The following CTIF variants were observed in gnomAD, a reference collection of about 807,000 sequenced individuals.
The protein encoded by CTIF is CBP80/20-dependent translation initiation factor.
A neutral mutation model predicts 66.0 loss-of-function variants in CTIF; 21 were observed. That is an observed-to-expected ratio of 0.32 (90% CI 0.23 to 0.46). The LOEUF (loss-of-function observed/expected upper bound fraction) is 0.46, where lower values mean the gene tolerates loss of function less well. Among genes scored for constraint, CTIF ranks in the 20% least tolerant of loss-of-function variants. The pLI is 1.00. For synonymous variants in CTIF, 345 were observed against 326.4 expected (o/e 1.06, Z -0.62); for missense variants, 739 against 812.7 (o/e 0.91, Z 1.10).
rs561407815 is a variant in CTIF, at chr18:48,600,316, C to T, written c.-28-19222C>T. 1.1e-4 allele frequency among the ~76,000 whole-genome samples: 16 copies of T among 152,168 alleles called. No individual in the cohort carries two copies. The South Asian group carries it at 1.2e-3, about 12-fold the overall frequency. The stretch of plus-strand genomic sequence containing the variant: ...CTTCCTGAAGGTCATGTGGCGGTGG[C>T]GATGAGCTCCGAAGCCTGTGTCTGT... On this transcript the variant is annotated intron_variant, in intron 1 of 11. Coordinates refer to ENST00000256413, the MANE Select transcript of CTIF (RefSeq NM_014772.3).
At chr18:48,738,812 G>T (rs1345879165) in intron 7 of CTIF, among the ~76,000 whole-genome samples, 1 of 152,212 alleles carries the variant, frequency 6.6e-6, no homozygotes, top group African/African-American at 2.4e-5. Flanking sequence ...GCTGAGCCTG[G>T]CATGAGTAAA....
intron 5 of CTIF, among the ~76,000 whole-genome samples, chr18:48,668,355 G>A (rs2091469270): frequency 6.6e-6 from 1 of 152,176 alleles, no homozygotes; most frequent in African/African-American, 2.4e-5. Flanking sequence ...CCTCCCCTAT[G>A]GCCCAGGCGG....
intron 3 of CTIF, among the ~76,000 whole-genome samples, chr18:48,645,234 C>A (rs976009100): frequency 1.6e-5 from 2 of 122,204 alleles, no homozygotes; most frequent in South Asian, 5.4e-4. Context: ...CTTTTTGCCT[C>A]ATGTGTCCCA....
chr18:48,858,362 C>T (rs1481318445), intron 11 of CTIF, among the ~76,000 whole-genome samples: 1 of 152,248 alleles, frequency 6.6e-6, no homozygotes, highest in African/African-American at 2.4e-5. Flanking sequence ...GTTTGTTGGC[C>T]TCCAGCTGGG....
At chr18:48,540,130 G>A (rs2088571130) in intron 1 of CTIF, 1 of 152,164 alleles carries the variant, frequency 6.6e-6, no homozygotes, top group African/African-American at 2.4e-5. Context: ...GACCCGTTGC[G>A]GTCTCCCCTT....
chr18:48,701,891 C>T (rs576541135), intron 6 of CTIF, among the ~76,000 whole-genome samples: 3 of 152,280 alleles, frequency 2.0e-5, no homozygotes, highest in Admixed American at 6.5e-5. Flanking sequence ...CCCACTGACT[C>T]CTAAAGTTGT....
At chr18:48,687,494 G>A (rs770266594) in intron 6 of CTIF, among the ~76,000 whole-genome samples, 3 of 151,962 alleles carry the variant, frequency 2.0e-5, no homozygotes, top group Non-Finnish European at 4.4e-5. Context: ...AAGTGCTCTG[G>A]GACTCAAGGA....
chr18:48,628,746 A>G (rs1231460213), intron 2 of CTIF, among the ~76,000 whole-genome samples: 1 of 152,200 alleles, frequency 6.6e-6, no homozygotes, highest in Non-Finnish European at 1.5e-5. Context: ...GCTCCTAATC[A>G]CGCAAGCATT....
intron 1 of CTIF, among the ~76,000 whole-genome samples, chr18:48,570,908 G>C (rs1287469811): frequency 6.6e-6 from 1 of 152,112 alleles, no homozygotes; most frequent in African/African-American, 2.4e-5. Context: ...CTTGTCCCAG[G>C]ATTTTCTTTT....
chr18:48,592,257 A>G (rs1212089630), intron 1 of CTIF, among the ~76,000 whole-genome samples: 5 of 152,060 alleles, frequency 3.3e-5, no homozygotes, highest in African/African-American at 1.2e-4. Flanking sequence ...TAATCCCAGC[A>G]CTTTGGGAGA....
chr18:48,732,951 CA>C (rs769785899), intron 7 of CTIF, among the ~76,000 whole-genome samples: 48 of 152,318 alleles, frequency 3.2e-4, no homozygotes, highest in Middle Eastern at 3.4e-3. Context: ...TCACCATAAT[CA>C]GACAAGATTG....
At chr18:48,638,975 CGG>C (rs761664693) in intron 3 of CTIF, among the ~76,000 whole-genome samples, 38 of 152,308 alleles carry the variant, frequency 2.5e-4, no homozygotes, top group Non-Finnish European at 4.9e-4. Flanking sequence ...CCCTGACCTG[CGG>C]TGGCCGACTG....
At chr18:48,856,536 AC>A (rs1238717061) in intron 10 of CTIF, among the ~76,000 whole-genome samples, 1 of 152,272 alleles carries the variant, frequency 6.6e-6, no homozygotes, top group African/African-American at 2.4e-5. Flanking sequence ...GAATGGATAA[AC>A]AAAATGTGAC....
At chr18:48,659,397 C>T (rs1359252025) in intron 3 of CTIF, among the ~76,000 whole-genome samples, 1 of 152,212 alleles carries the variant, frequency 6.6e-6, no homozygotes, top group Non-Finnish European at 1.5e-5. Flanking sequence ...CTGGGGTCCT[C>T]ATTCTTCTCA....
chr18:48,764,916 C>T (rs1015508449), intron 9 of CTIF, among the ~76,000 whole-genome samples: 7 of 152,212 alleles, frequency 4.6e-5, no homozygotes, highest in Non-Finnish European at 7.3e-5. Context: ...TGTGCTGGTG[C>T]GGGGCTGCCC....
At chr18:48,720,765 A>C (rs1258987616) in intron 7 of CTIF, among the ~76,000 whole-genome samples, 1 of 152,154 alleles carries the variant, frequency 6.6e-6, no homozygotes, top group African/African-American at 2.4e-5. Flanking sequence ...CTTTGTACAA[A>C]TCATGATGGT....
At chr18:48,675,741 T>C (rs1432529316) in intron 6 of CTIF, among the ~76,000 whole-genome samples, 1 of 152,114 alleles carries the variant, frequency 6.6e-6, no homozygotes, top group Admixed American at 6.5e-5. Context: ...ACACACTGCT[T>C]CCAGGAGGGC....
chr18:48,564,768 A>C (rs1473899510), intron 1 of CTIF: 1 of 150,640 alleles, frequency 6.6e-6, no homozygotes, highest in Non-Finnish European at 1.5e-5. Context: ...ACAGGCGCAC[A>C]CCACCATACC....
intron 1 of CTIF, among the ~76,000 whole-genome samples, chr18:48,591,378 C>T (rs569660327): frequency 6.6e-6 from 1 of 152,212 alleles, no homozygotes; most frequent in Non-Finnish European, 1.5e-5. Context: ...CTGAGCAGGA[C>T]ACATGGGAGA....
Sources: gnomAD v4.1 joint callset for allele counts (sites outside exome capture counted in the v4.1 genomes callset) on GRCh38, gnomAD v4.1.1 for gene constraint, MANE v1.5 for transcripts, NCBI Gene and HGNC (gene_info 2026-07-23, HGNC 2026-07-21) for gene names.